The following USP15 variants were observed in gnomAD, a reference collection of about 807,000 sequenced individuals.
The protein encoded by USP15 is ubiquitin specific peptidase 15, also known as ubiquitin carboxyl-terminal hydrolase 15.
In USP15, 18 loss-of-function variants were observed where a neutral mutation model predicts 127.1. The observed-to-expected ratio is 0.14, with a 90% CI of 0.10 to 0.21. The LOEUF (loss-of-function observed/expected upper bound fraction) is 0.21. USP15 is among the 10% of genes least tolerant of loss of function. The pLI is 1.00. For synonymous variants in USP15, 364 were observed against 393.7 expected (o/e 0.92, Z 0.89); for missense variants, 805 against 1,159.9 (o/e 0.69, Z 4.44).
intron 6 of USP15, chr12:62,336,081 G>A: frequency 1.0e-6 from 1 of 985,390 alleles, no homozygotes; most frequent in South Asian, 4.7e-5. Flanking sequence ...ACTGTTTGCA[G>A]CAGCTCTACT....
chr12:62,262,555 G>A (rs2063097466), intron 1 of USP15, among the ~76,000 whole-genome samples: 1 of 152,162 alleles, frequency 6.6e-6, no homozygotes, highest in African/African-American at 2.4e-5. Flanking sequence ...CAGGATGATA[G>A]GAGCAATATG....
intron 11 of USP15, among the ~76,000 whole-genome samples, chr12:62,387,840 G>A (rs1206875784): frequency 8.5e-5 from 13 of 152,134 alleles, no homozygotes; most frequent in Non-Finnish European, 1.5e-5. Context: ...GAGATAAAAT[G>A]GAAGAAAGAA....
chr12:62,279,487 G>C (rs760209625), intron 1 of USP15, among the ~76,000 whole-genome samples: 63 of 152,226 alleles, frequency 4.1e-4, no homozygotes, highest in Non-Finnish European at 8.5e-4. Context: ...TTTTGGATAT[G>C]TACCCAAAAG....
chr12:62,403,483 T>C (rs747941075), intron 21 of USP15, among the ~76,000 whole-genome samples: 8 of 152,056 alleles, frequency 5.3e-5, no homozygotes, highest in Non-Finnish European at 1.0e-4. Flanking sequence ...CCATTTCAGT[T>C]GTTTATTAGG....
intron 7 of USP15, among the ~76,000 whole-genome samples, chr12:62,353,049 A>G (rs1222236583): frequency 6.6e-6 from 1 of 151,972 alleles, no homozygotes; most frequent in Non-Finnish European, 1.5e-5. Flanking sequence ...CCAGATTTTC[A>G]TATATTTTTT....
At position 62,383,699 on chromosome 12, in the gene USP15, G is replaced by T. The variant is rs1041841136; in HGVS notation, c.1090-141G>T. On this transcript the variant is annotated intron_variant, in intron 9 of 21. Coordinates refer to ENST00000280377, the MANE Select transcript of USP15 (RefSeq NM_001252078.2). ...AAATATCTACAAATGACCATGAATT[G>T]ATTTTGGGGTTACAAATACATTTTA... 6 of 1,046,162 alleles carry T rather than the reference G, an allele frequency of 5.7e-6. No individual in the cohort carries two copies. The African/African-American group carries it at 9.7e-5, about 17-fold the overall frequency. 64.8% of individuals were successfully genotyped at this position (1,046,162 alleles called of 1,614,324 possible).
At chr12:62,295,187 C>T (rs1272601819) in intron 2 of USP15, among the ~76,000 whole-genome samples, 1 of 152,082 alleles carries the variant, frequency 6.6e-6, no homozygotes, top group African/African-American at 2.4e-5. Flanking sequence ...CCGCACTTTG[C>T]ATATAAGAAA....
At chr12:62,394,871 C>A (rs1284715476) in intron 19 of USP15, among the ~76,000 whole-genome samples, 1 of 150,586 alleles carries the variant, frequency 6.6e-6, no homozygotes, top group Non-Finnish European at 1.5e-5. Flanking sequence ...AAAAAAGAAT[C>A]AGAAGTAATG....
chr12:62,390,992 T>A lies in USP15; in HGVS notation c.1960+13T>A, dbSNP rs2067308965. The stretch of plus-strand genomic sequence containing the variant: ...GAAGGCTCACCAAGTAAGACTTTTC[T>A]GTTAAATTGTACAAATGTTTCACTT... On this transcript the variant is annotated intron_variant, in intron 15 of 21. Transcript: ENST00000280377. 1 of 1,599,610 alleles carries A rather than the reference T, an allele frequency of 6.3e-7. No homozygotes were observed. Among genetic ancestry groups the A allele is most frequent in the African/African-American group, 1.3e-5 (1 of 74,386 alleles).
chr12:62,374,243 T>C (rs560986041), intron 8 of USP15: 12 of 265,872 alleles, frequency 4.5e-5, no homozygotes, highest in Non-Finnish European at 5.8e-5. Flanking sequence ...GAATGGGCTT[T>C]TATTTTTAGT....
intron 1 of USP15, among the ~76,000 whole-genome samples, chr12:62,270,805 CTCTTA>C (rs1424076278): frequency 2.0e-5 from 3 of 152,034 alleles, no homozygotes; most frequent in South Asian, 2.1e-4. Flanking sequence ...TGGCCCTCTT[CTCTTA>C]TTAGTTTACA....
At chr12:62,351,291 C>CA (rs965238826) in intron 7 of USP15, among the ~76,000 whole-genome samples, 6 of 144,934 alleles carry the variant, frequency 4.1e-5, no homozygotes, top group South Asian at 2.2e-4. Context: ...GTGCACAGGC[C>CA]AAAAAAAAAG....
chr12:62,308,018 A>G (rs529844758), intron 3 of USP15, among the ~76,000 whole-genome samples: 6 of 152,248 alleles, frequency 3.9e-5, no homozygotes, highest in African/African-American at 7.2e-5. Context: ...AGTGTGCGTA[A>G]TTAATAAATT....
chr12:62,382,458 A>G (rs1271662445), intron 9 of USP15, among the ~76,000 whole-genome samples: 1 of 151,984 alleles, frequency 6.6e-6, no homozygotes, highest in African/African-American at 2.4e-5. Context: ...TTCTTAGAAA[A>G]TAAAAAACCA....
In USP15 at chr12:62,277,078, AC is replaced by A. The variant is rs544791072; in HGVS notation, c.89+16576del. Among the ~76,000 whole-genome samples the A allele has an allele frequency of 3.7e-3, 557 of 152,264 alleles. 2 individuals are homozygous for A. The highest frequency in any genetic ancestry group is 6.8e-3 in the Middle Eastern group (2 of 294). The stretch of plus-strand genomic sequence containing the variant: ...TGCATATATGTGAAGATGTATCTAT[AC>A]ATAACTTCTGTGTTAAACAAAAGAC... On this transcript the variant is annotated intron_variant, in intron 1 of 21. Coordinates refer to ENST00000280377, the MANE Select transcript of USP15 (RefSeq NM_001252078.2).
At position 62,405,323 on chromosome 12, in the gene USP15, T is replaced by C. The variant is rs527535744; in HGVS notation, c.*948T>C. The stretch of plus-strand genomic sequence containing the variant: ...GCTTAGATGAGAAATTTTTTTCATA[T>C]ACTGGCCTTTAAATCATTAATGGAC... On this transcript the variant is annotated 3_prime_UTR_variant, in exon 22 of 22. Coordinates refer to ENST00000280377, the MANE Select transcript of USP15 (RefSeq NM_001252078.2). 1 of 152,340 alleles carries C rather than the reference T, an allele frequency of 6.6e-6. No individual in the cohort carries two copies. The highest frequency in any genetic ancestry group is 1.9e-4 in the East Asian group (1 of 5,188). 9.4% of individuals were successfully genotyped at this position (152,340 alleles called of 1,614,324 possible). A position where few individuals can be genotyped will look rare whatever the true frequency, so the allele number is the denominator to read the frequency against.
At chr12:62,357,889 T>C (rs1026861170) in intron 8 of USP15, among the ~76,000 whole-genome samples, 1 of 152,132 alleles carries the variant, frequency 6.6e-6, no homozygotes, top group Non-Finnish European at 1.5e-5. Flanking sequence ...AAAATTCATG[T>C]AGTTCATAGA....
chr12:62,286,716 T>TCA lies in USP15; in HGVS notation c.90-7461_90-7460dup, dbSNP rs113880539. 3.1e-3 allele frequency among the ~76,000 whole-genome samples: 472 copies of TCA among 152,100 alleles called. 1 individual carries two copies. The highest frequency in any genetic ancestry group is 9.9e-3 in the African/African-American group (410 of 41,508). On this transcript the variant is annotated intron_variant, in intron 1 of 21. Transcript: ENST00000280377. ...ACTTTGGGAGGCTGAGGTGGGCGGG[T>TCA]CACCTGAGGTCAGGAGTTCGAGACC...
chr12:62,351,124 G>T (rs1005588532), intron 7 of USP15, among the ~76,000 whole-genome samples: 1 of 151,716 alleles, frequency 6.6e-6, no homozygotes, highest in Non-Finnish European at 1.5e-5. Flanking sequence ...TATGAATCAA[G>T]AACATTTAAA....
Sources: allele counts gnomAD v4.1 joint callset (sites outside exome capture counted in the v4.1 genomes callset), GRCh38; gene constraint gnomAD v4.1.1; transcripts MANE v1.5; gene names NCBI Gene and HGNC (gene_info 2026-07-23, HGNC 2026-07-21).